The following RHEB variants were observed in gnomAD, a reference collection of about 807,000 sequenced individuals.
The protein encoded by RHEB is GTP-binding protein Rheb.
RHEB carries 2 observed loss-of-function variants against 28.8 expected under a neutral mutation model. The observed-to-expected ratio is 0.07, with a 90% confidence interval of 0.03 to 0.22. The LOEUF is 0.22. Among genes scored for constraint, RHEB ranks in the 10% least tolerant of loss-of-function variants. RHEB has a pLI of 1.00. For synonymous variants in RHEB, 69 were observed against 77.3 expected (o/e 0.89, Z 0.56); for missense variants, 76 against 219.9 (o/e 0.35, Z 4.14).
chr7:151,518,011 G>A (rs1012212292), intron 1 of RHEB: 1 of 152,202 alleles, frequency 6.6e-6, no homozygotes, highest in Non-Finnish European at 1.5e-5. Context: ...TGCCAATAAA[G>A]GCTGGATCCC....
intron 3 of RHEB, among the ~76,000 whole-genome samples, chr7:151,483,435 C>T (rs894700376): frequency 2.0e-5 from 3 of 152,156 alleles, no homozygotes; most frequent in Non-Finnish European, 4.4e-5. Flanking sequence ...GTTGCAAGGG[C>T]GGGCCAGGCA....
At chr7:151,500,477 T>C (rs1563098833) in intron 1 of RHEB, among the ~76,000 whole-genome samples, 2 of 152,166 alleles carry the variant, frequency 1.3e-5, no homozygotes, top group Non-Finnish European at 2.9e-5. Context: ...TACACATGTA[T>C]CATCAATTGA....
chr7:151,507,988 T>C (rs1802918219), intron 1 of RHEB, among the ~76,000 whole-genome samples: 1 of 152,150 alleles, frequency 6.6e-6, no homozygotes, highest in African/African-American at 2.4e-5. Flanking sequence ...AGGATATTCA[T>C]CTCTACAGGA....
At chr7:151,477,517 G>A (rs915961812) in intron 3 of RHEB, 102 bp from the exon 4 acceptor site, 13 of 681,934 alleles carry the variant, frequency 1.9e-5, no homozygotes, top group South Asian at 3.6e-5. Context: ...CAAAGTAGAC[G>A]CAGAGTGGAT....
chr7:151,504,202 G>A (rs1428946090), intron 1 of RHEB, among the ~76,000 whole-genome samples: 3 of 152,180 alleles, frequency 2.0e-5, no homozygotes, highest in Non-Finnish European at 2.9e-5. Context: ...TTGTATCAAC[G>A]TTCTGACAAG....
At chr7:151,491,465 A>G (rs1400523189) in intron 1 of RHEB, among the ~76,000 whole-genome samples, 1 of 152,220 alleles carries the variant, frequency 6.6e-6, no homozygotes, top group Non-Finnish European at 1.5e-5. Flanking sequence ...GCCAGGCACC[A>G]TGGCTCACGC....
At chr7:151,508,687 C>T (rs1171999207) in intron 1 of RHEB, among the ~76,000 whole-genome samples, 6 of 136,332 alleles carry the variant, frequency 4.4e-5, no homozygotes, top group Admixed American at 7.8e-5. Context: ...GACAGGGTTT[C>T]GCTGTGTTGC....
chr7:151,486,145 C>T (rs2150927062), intron 2 of RHEB, among the ~76,000 whole-genome samples: 1 of 152,292 alleles, frequency 6.6e-6, no homozygotes, highest in East Asian at 1.9e-4. Context: ...CACTACATAG[C>T]TGTGTGAAAA....
chr7:151,470,766 A>G, intron 6 of RHEB, 114 bp from the exon 7 acceptor site: 1 of 671,128 alleles, frequency 1.5e-6, no homozygotes, highest in South Asian at 1.9e-5. Flanking sequence ...CATGAAGCAG[A>G]ACCATGCCCT....
At chr7:151,489,789 C>T (rs962536947) in intron 2 of RHEB, among the ~76,000 whole-genome samples, 13 of 152,168 alleles carry the variant, frequency 8.5e-5, no homozygotes, top group Non-Finnish European at 1.6e-4. Context: ...CTTCTTTGGA[C>T]TTTTATATAT....
At chr7:151,467,704 T>C (rs1329670626) in intron 7 of RHEB, among the ~76,000 whole-genome samples, 4 of 152,160 alleles carry the variant, frequency 2.6e-5, no homozygotes, top group Non-Finnish European at 1.5e-5. Flanking sequence ...AACACCTCTG[T>C]GGCGTAATTC....
intron 1 of RHEB, among the ~76,000 whole-genome samples, chr7:151,506,287 T>C (rs1321148378): frequency 6.6e-6 from 1 of 151,796 alleles, no homozygotes; most frequent in East Asian, 1.9e-4. Context: ...TGGTCTCAAA[T>C]GATCCTCTCA....
chr7:151,486,215 C>T (rs1209231924), intron 2 of RHEB, among the ~76,000 whole-genome samples: 2 of 152,188 alleles, frequency 1.3e-5, no homozygotes, highest in Non-Finnish European at 2.9e-5. Context: ...GTAAGAAACA[C>T]TGGTGAGCAA....
chr7:151,496,796 T>C (rs1802681106), intron 1 of RHEB, among the ~76,000 whole-genome samples: 2 of 152,142 alleles, frequency 1.3e-5, no homozygotes, highest in Non-Finnish European at 2.9e-5. Context: ...TTTTGTTTTT[T>C]TGAGACAGAG....
At chr7:151,507,812 T>C (rs1459297959) in intron 1 of RHEB, among the ~76,000 whole-genome samples, 5 of 152,212 alleles carry the variant, frequency 3.3e-5, no homozygotes, top group Non-Finnish European at 5.9e-5. Flanking sequence ...ATTATTATGC[T>C]ACCAGATATA....
At chr7:151,516,799 G>A (rs770928397) in intron 1 of RHEB, among the ~76,000 whole-genome samples, 3 of 152,114 alleles carry the variant, frequency 2.0e-5, no homozygotes, top group Non-Finnish European at 4.4e-5. Flanking sequence ...TAAGAAAGGT[G>A]TGGAGGCTTT....
intron 1 of RHEB, among the ~76,000 whole-genome samples, chr7:151,500,975 C>T (rs768762334): frequency 6.1e-5 from 9 of 148,308 alleles, no homozygotes; most frequent in Admixed American, 4.0e-4. Context: ...CGGAACAAGA[C>T]GCTGTCTCCA....
At chr7:151,487,876 C>T (rs941780550) in intron 2 of RHEB, among the ~76,000 whole-genome samples, 3 of 152,212 alleles carry the variant, frequency 2.0e-5, no homozygotes, top group Non-Finnish European at 4.4e-5. Context: ...GTAAATGCTA[C>T]TAACCACGGT....
intron 1 of RHEB, among the ~76,000 whole-genome samples, chr7:151,506,150 T>C (rs1215853719): frequency 6.6e-6 from 1 of 151,980 alleles, no homozygotes; most frequent in Non-Finnish European, 1.5e-5. Context: ...AAACTTGATT[T>C]AGGAAAAAAA....
Sources: allele counts gnomAD v4.1 joint callset (sites outside exome capture counted in the v4.1 genomes callset), GRCh38; gene constraint gnomAD v4.1.1; transcripts MANE v1.5; gene names NCBI Gene and HGNC (gene_info 2026-07-23, HGNC 2026-07-21).